JPH1: variants seen among roughly 807,000 people sequenced by gnomAD.
The protein encoded by JPH1 is junctophilin 1.
Under a neutral mutation model 53.6 loss-of-function variants are expected in JPH1, and 12 were observed. That is an observed-to-expected ratio of 0.22 (90% confidence interval 0.14 to 0.36). The LOEUF (loss-of-function observed/expected upper bound fraction) is 0.36. JPH1 is among the 10% of genes least tolerant of loss of function. The probability of loss-of-function intolerance (pLI) is 1.00; values close to 1 mark genes in which losing one functional copy is unlikely to be tolerated. For missense variants in JPH1, 808 were observed against 905.5 expected (o/e 0.89, Z 1.38); for synonymous variants, 375 against 363.8 (o/e 1.03, Z -0.35).
chr8:74,320,131 T>C lies in JPH1; in HGVS notation c.379+778A>G, dbSNP rs992619868. On this transcript the variant is annotated intron_variant, in intron 1 of 5. Coordinates refer to ENST00000342232, the MANE Select transcript of JPH1 (RefSeq NM_020647.4). The surrounding 1 kb of genome is among the most constrained non-coding windows in gnomAD (Gnocchi z 4.4). Reference sequence around the variant, plus strand: ...GCTATAGGAACACACCTGCTAATTGTATTCTTTAAAATGTAGACTTCATTA... The same window carrying C: ...GCTATAGGAACACACCTGCTAATTGCATTCTTTAAAATGTAGACTTCATTA... Among the ~76,000 whole-genome samples, 1 of 152,214 alleles carries C rather than the reference T, an allele frequency of 6.6e-6. No individual in the cohort carries two copies. The highest frequency in any genetic ancestry group is 2.4e-5 in the African/African-American group (1 of 41,452).
chr8:74,293,468 A>G (rs937672208), intron 2 of JPH1, among the ~76,000 whole-genome samples: 1 of 152,222 alleles, frequency 6.6e-6, no homozygotes, highest in Admixed American at 6.5e-5. Flanking sequence ...AGATGGGGAA[A>G]CTAAGGCTTG....
chr8:74,310,909 G>T (rs755750633), intron 2 of JPH1, among the ~76,000 whole-genome samples: 1 of 152,234 alleles, frequency 6.6e-6, no homozygotes, highest in Non-Finnish European at 1.5e-5. Flanking sequence ...TACAGGGACA[G>T]TGTTGTGATC....
chr8:74,247,937 G>A (rs1201932822), intron 3 of JPH1, among the ~76,000 whole-genome samples: 2 of 152,118 alleles, frequency 1.3e-5, no homozygotes. Context: ...CATCAGTATA[G>A]GTGGATAGGC....
At chr8:74,308,724 G>A (rs1335073013) in intron 2 of JPH1, among the ~76,000 whole-genome samples, 1 of 152,066 alleles carries the variant, frequency 6.6e-6, no homozygotes, top group African/African-American at 2.4e-5. Flanking sequence ...ACTAGAAGTG[G>A]GCTAAGAGAA....
chr8:74,314,612 G>A (rs545269339), intron 2 of JPH1, among the ~76,000 whole-genome samples: 44 of 152,186 alleles, frequency 2.9e-4, no homozygotes, highest in Non-Finnish European at 6.0e-4. Context: ...TGTTAAATAT[G>A]AGGGAAGTAA....
chr8:74,269,744 G>A (rs2131404823), intron 2 of JPH1, among the ~76,000 whole-genome samples: 1 of 152,304 alleles, frequency 6.6e-6, no homozygotes, highest in Non-Finnish European at 1.5e-5. Flanking sequence ...AGAGATTAAG[G>A]AACATATTCA....
intron 2 of JPH1, among the ~76,000 whole-genome samples, chr8:74,312,626 T>C (rs13263396): frequency 0.13 from 19,283 of 152,180 alleles, 2,331 homozygotes; most frequent in African/African-American, 0.32. Context: ...ATAGAATGTA[T>C]TCATCTTGAG....
At chr8:74,251,267 C>T (rs1806049576) in intron 3 of JPH1, among the ~76,000 whole-genome samples, 1 of 152,156 alleles carries the variant, frequency 6.6e-6, no homozygotes, top group Non-Finnish European at 1.5e-5. Flanking sequence ...TTCTATACTT[C>T]CTTGGGTGAC....
intron 2 of JPH1, among the ~76,000 whole-genome samples, chr8:74,294,285 T>C (rs1277841361): frequency 6.6e-6 from 1 of 152,184 alleles, no homozygotes; most frequent in East Asian, 1.9e-4. Flanking sequence ...CTCAAGCAGC[T>C]GAGTAATAAA....
chr8:74,302,860 T>C (rs1807722012), intron 2 of JPH1, among the ~76,000 whole-genome samples: 1 of 152,008 alleles, frequency 6.6e-6, no homozygotes, highest in African/African-American at 2.4e-5. Context: ...GTGCCATATT[T>C]GGACAGAGCT....
chr8:74,251,827 A>G (rs938827338), intron 3 of JPH1, among the ~76,000 whole-genome samples: 1 of 152,152 alleles, frequency 6.6e-6, no homozygotes, highest in African/African-American at 2.4e-5. Context: ...ACTACTTTCA[A>G]GTTCATATGG....
In JPH1 at chr8:74,321,482, TCC is replaced by T; in HGVS notation, c.-197_-196del. The T allele has an allele frequency of 2.8e-6, 1 of 354,246 alleles. No individual in the cohort carries two copies. Among genetic ancestry groups the T allele is most frequent in the Non-Finnish European group, 4.7e-6 (1 of 214,756 alleles). 21.9% of individuals were successfully genotyped at this position (354,246 alleles called of 1,614,324 possible). Reference sequence around the variant, plus strand: ...TCTTTTGCCGCCGCCACCGCCGCCTTCCTCCTCCTCCTCCTCCTCCTTCGCCG... The same window carrying T: ...TCTTTTGCCGCCGCCACCGCCGCCTTTCCTCCTCCTCCTCCTCCTTCGCCG... On this transcript the variant is annotated 5_prime_UTR_variant, in exon 1 of 6. Coordinates refer to ENST00000342232, the MANE Select transcript of JPH1 (RefSeq NM_020647.4). This position sits in a 1 kb window ranked among gnomAD's most constrained non-coding sequence, Gnocchi z 4.3.
intron 2 of JPH1, among the ~76,000 whole-genome samples, chr8:74,264,123 T>C (rs1299931534): frequency 6.6e-6 from 1 of 152,252 alleles, no homozygotes; most frequent in Non-Finnish European, 1.5e-5. Flanking sequence ...CTGAGATGTC[T>C]GTCCCAACTT....
chr8:74,302,103 G>C (rs1807699866), intron 2 of JPH1, among the ~76,000 whole-genome samples: 1 of 152,214 alleles, frequency 6.6e-6, no homozygotes, highest in Non-Finnish European at 1.5e-5. Context: ...TCACACAGCA[G>C]GTAACCACTC....
At chr8:74,245,772 T>A (rs1057408623) in intron 3 of JPH1, among the ~76,000 whole-genome samples, 2 of 152,144 alleles carry the variant, frequency 1.3e-5, no homozygotes, top group Non-Finnish European at 2.9e-5. Flanking sequence ...AAGGCAGTTG[T>A]CTCTGGTTCT....
chr8:74,312,108 A>C (rs928596062), intron 2 of JPH1, among the ~76,000 whole-genome samples: 5 of 152,228 alleles, frequency 3.3e-5, no homozygotes, highest in African/African-American at 1.2e-4. Context: ...GGAATCTGGG[A>C]AAAGGACTAA....
intron 2 of JPH1, among the ~76,000 whole-genome samples, chr8:74,299,031 A>G (rs937474946): frequency 6.6e-6 from 1 of 152,188 alleles, no homozygotes; most frequent in Non-Finnish European, 1.5e-5. Flanking sequence ...CAAATAATGA[A>G]CACTGGTGAC....
intron 2 of JPH1, among the ~76,000 whole-genome samples, chr8:74,288,547 G>C (rs1285065319): frequency 6.6e-6 from 1 of 152,066 alleles, no homozygotes; most frequent in Non-Finnish European, 1.5e-5. Flanking sequence ...AATGGGGTTG[G>C]GCAGGAATGG....
intron 3 of JPH1, among the ~76,000 whole-genome samples, chr8:74,250,823 A>T (rs1160430411): frequency 6.6e-6 from 1 of 152,150 alleles, no homozygotes; most frequent in Non-Finnish European, 1.5e-5. Context: ...GACTCACATT[A>T]CCAAAGCTCA....
Sources: allele counts gnomAD v4.1 joint callset (sites outside exome capture counted in the v4.1 genomes callset), GRCh38; gene constraint gnomAD v4.1.1; non-coding constraint Gnocchi (gnomAD v3.1); transcripts MANE v1.5; gene names NCBI Gene and HGNC (gene_info 2026-07-23, HGNC 2026-07-21).